KLHL32: variants seen among roughly 807,000 people sequenced by gnomAD.
The protein encoded by KLHL32 is kelch-like protein 32.
KLHL32 carries 35 observed loss-of-function variants against 64.8 expected under a neutral mutation model. The ratio of observed to expected loss-of-function variants is 0.54; its 90% confidence interval spans 0.41 to 0.72. The LOEUF is 0.72. KLHL32 is among the 30% of genes least tolerant of loss of function. KLHL32 has a pLI of 0.00. For synonymous variants in KLHL32, 259 were observed against 281.0 expected (o/e 0.92, Z 0.78); for missense variants, 589 against 768.5 (o/e 0.77, Z 2.76).
At chr6:96,950,126 A>C (rs2128009192) in intron 1 of KLHL32, among the ~76,000 whole-genome samples, 1 of 152,254 alleles carries the variant, frequency 6.6e-6, no homozygotes, top group African/African-American at 2.4e-5. Flanking sequence ...TTGATATCTC[A>C]AAGTTGTTAA....
chr6:97,134,834 AGTTT>A (rs1408182656), intron 10 of KLHL32, among the ~76,000 whole-genome samples: 1 of 152,180 alleles, frequency 6.6e-6, no homozygotes, highest in Non-Finnish European at 1.5e-5. Flanking sequence ...CGTGAATGTT[AGTTT>A]GTAAGACATA....
the KLHL32 span, among the ~76,000 whole-genome samples, chr6:96,905,690 T>TAA: frequency 5.3e-5 from 8 of 152,338 alleles, no homozygotes; most frequent in South Asian, 1.7e-3. Flanking sequence ...TCAAAAACTA[T>TAA]TAGCTATTAT....
intron 4 of KLHL32, among the ~76,000 whole-genome samples, chr6:97,052,082 G>A (rs757809068): frequency 2.6e-5 from 4 of 152,112 alleles, no homozygotes; most frequent in Non-Finnish European, 5.9e-5. Context: ...ATTACTCTAA[G>A]CACCAATAGA....
intron 1 of KLHL32, among the ~76,000 whole-genome samples, chr6:96,957,332 A>G (rs1423590749): frequency 1.3e-5 from 2 of 152,174 alleles, no homozygotes; most frequent in Non-Finnish European, 2.9e-5. Context: ...GAGAATGGTC[A>G]TTTGCTATTG....
At chr6:97,137,096 A>G (rs1283493706) in intron 10 of KLHL32, among the ~76,000 whole-genome samples, 1 of 152,158 alleles carries the variant, frequency 6.6e-6, no homozygotes, top group Non-Finnish European at 1.5e-5. Context: ...CCTCTGATTT[A>G]CTTTTTGTAT....
At chr6:96,990,842 T>A (rs1414766670) in intron 3 of KLHL32, among the ~76,000 whole-genome samples, 3 of 152,148 alleles carry the variant, frequency 2.0e-5, no homozygotes, top group Non-Finnish European at 4.4e-5. Context: ...TTAAGATGGC[T>A]GTGGTTTCTG....
At chr6:96,949,797 A>G (rs1312814841) in intron 1 of KLHL32, among the ~76,000 whole-genome samples, 2 of 152,150 alleles carry the variant, frequency 1.3e-5, no homozygotes, top group East Asian at 1.9e-4. Flanking sequence ...TCACAAAGGT[A>G]TTTAGTAGTA....
At chr6:96,951,969 A>G (rs1287738662) in intron 1 of KLHL32, among the ~76,000 whole-genome samples, 1 of 152,158 alleles carries the variant, frequency 6.6e-6, no homozygotes, top group African/African-American at 2.4e-5. Flanking sequence ...GTCTGTGTGA[A>G]GTTTGCACAT....
chr6:96,966,629 T>A (rs1774486926), intron 1 of KLHL32, among the ~76,000 whole-genome samples: 2 of 152,244 alleles, frequency 1.3e-5, no homozygotes, highest in South Asian at 4.1e-4. Flanking sequence ...AAAATCTCTA[T>A]AAATGACAAG....
At chr6:97,081,376 G>C (rs1045997601) in intron 5 of KLHL32, among the ~76,000 whole-genome samples, 2 of 152,138 alleles carry the variant, frequency 1.3e-5, no homozygotes, top group Admixed American at 6.5e-5. Context: ...ACATAGAGGA[G>C]GTGATTTAGA....
At chr6:97,016,911 C>T (rs1427654932) in intron 3 of KLHL32, among the ~76,000 whole-genome samples, 3 of 152,208 alleles carry the variant, frequency 2.0e-5, no homozygotes, top group Non-Finnish European at 4.4e-5. Flanking sequence ...TCACTCTCTT[C>T]TGTCTCCTGC....
chr6:96,948,211 T>C (rs1313822652), intron 1 of KLHL32, among the ~76,000 whole-genome samples: 1 of 152,164 alleles, frequency 6.6e-6, no homozygotes, highest in Admixed American at 6.6e-5. Context: ...ATGAGCGGTG[T>C]GAATTTTAGT....
chr6:97,122,881 G>T (rs749875205), intron 7 of KLHL32, among the ~76,000 whole-genome samples: 2 of 152,194 alleles, frequency 1.3e-5, no homozygotes, highest in Non-Finnish European at 2.9e-5. Context: ...TCTTCCCTTA[G>T]ACTAGTGTGA....
At chr6:97,053,334 A>G (rs1787253821) in intron 4 of KLHL32, among the ~76,000 whole-genome samples, 2 of 152,192 alleles carry the variant, frequency 1.3e-5, no homozygotes, top group Non-Finnish European at 2.9e-5. Flanking sequence ...GCTACAGCCC[A>G]TTAGCTCTGC....
At chr6:97,069,327 G>T (rs1790329772) in intron 5 of KLHL32, among the ~76,000 whole-genome samples, 1 of 151,292 alleles carries the variant, frequency 6.6e-6, no homozygotes, top group Admixed American at 6.6e-5. Context: ...TCTCTCTTCA[G>T]TTAAGGTACA....
At chr6:97,132,595 A>T in intron 9 of KLHL32, 58 bp from the exon 10 acceptor site, 1 of 1,315,610 alleles carries the variant, frequency 7.6e-7, no homozygotes, top group Non-Finnish European at 1.1e-6. Flanking sequence ...CAAAAGGGTT[A>T]ATTAAAATAT....
intron 1 of KLHL32, among the ~76,000 whole-genome samples, chr6:96,941,197 C>T (rs936787945): frequency 1.3e-5 from 2 of 152,172 alleles, no homozygotes; most frequent in Non-Finnish European, 2.9e-5. Context: ...TTAAAAGGTA[C>T]AACTTCTATG....
chr6:96,996,956 G>A (rs1036952784), intron 3 of KLHL32, among the ~76,000 whole-genome samples: 6 of 152,062 alleles, frequency 3.9e-5, no homozygotes, highest in Non-Finnish European at 8.8e-5. Context: ...GCAGATGGCT[G>A]GAGAGAAGAG....
At chr6:97,002,413 G>A (rs1301569216) in intron 3 of KLHL32, among the ~76,000 whole-genome samples, 1 of 152,114 alleles carries the variant, frequency 6.6e-6, no homozygotes, top group Non-Finnish European at 1.5e-5. Flanking sequence ...AACGAATATA[G>A]CTTAAGAGCA....
Sources: gnomAD v4.1 joint callset for allele counts (sites outside exome capture counted in the v4.1 genomes callset) on GRCh38, gnomAD v4.1.1 for gene constraint, MANE v1.5 for transcripts, NCBI Gene and HGNC (gene_info 2026-07-23, HGNC 2026-07-21) for gene names.